Variants in PCDHA10 observed in about 807,000 individuals in gnomAD.
The protein encoded by PCDHA10 is protocadherin alpha 10.
In PCDHA10, 45 loss-of-function variants were observed where a neutral mutation model predicts 61.2. The ratio of observed to expected loss-of-function variants is 0.74; its 90% CI spans 0.58 to 0.94. The LOEUF (loss-of-function observed/expected upper bound fraction) is 0.94. Among genes scored for constraint, PCDHA10 ranks in the 40% least tolerant of loss-of-function variants. The pLI is 0.00. For synonymous variants in PCDHA10, 602 were observed against 548.8 expected (o/e 1.10, Z -1.35); for missense variants, 1,278 against 1,236.2 (o/e 1.03, Z -0.51).
chr5:140,876,567 G>T (rs782286416), intron 1 of PCDHA10: 90 of 1,614,068 alleles, frequency 5.6e-5, no homozygotes, highest in Non-Finnish European at 6.3e-5. Context: ...ATGCTCAGGT[G>T]GGTACCGTCA....
intron 1 of PCDHA10, among the ~76,000 whole-genome samples, chr5:140,925,964 C>CA (rs782520997): frequency 4.3e-4 from 65 of 150,204 alleles, no homozygotes; most frequent in Middle Eastern, 3.4e-3. Flanking sequence ...TGCTATCACG[C>CA]AAAAAAAAAG....
chr5:140,877,661 G>C, intron 1 of PCDHA10: 1 of 1,613,572 alleles, frequency 6.2e-7, no homozygotes. Flanking sequence ...CCCACCGTGA[G>C]CCGGTGCGCG....
At chr5:140,986,427 G>A (rs937088313) in intron 3 of PCDHA10, among the ~76,000 whole-genome samples, 19 of 152,186 alleles carry the variant, frequency 1.2e-4, no homozygotes, top group African/African-American at 4.6e-4. Context: ...TTAACTTCAT[G>A]AGTACTAATG....
intron 1 of PCDHA10, chr5:140,877,979 A>G (rs2057420487): frequency 4.9e-6 from 6 of 1,227,544 alleles, no homozygotes; most frequent in Non-Finnish European, 5.4e-6. Flanking sequence ...ATTCTTACTC[A>G]TTTTGAACTT....
At chr5:140,869,296 C>G (rs782726122) in intron 1 of PCDHA10, 2 of 1,613,602 alleles carry the variant, frequency 1.2e-6, no homozygotes, top group South Asian at 1.1e-5. Flanking sequence ...GCGCCTGTTC[C>G]GGGTGGCGTC....
At position 140,857,611 on chromosome 5, in the gene PCDHA10, G is replaced by C; in HGVS notation, c.1563G>C (p.Pro521=). Residue 521 remains proline, a synonymous_variant, in exon 1 of 4, where the codon CCG becomes CCC. Coordinates refer to ENST00000307360, the MANE Select transcript of PCDHA10 (RefSeq NM_018901.4). The stretch of plus-strand genomic sequence containing the variant: ...GCGGCAAGGTGTACGCGCTGCAGCC[G>C]CTGGACCACGAGGAGCTGGAGCTGC... The part of the protein sequence containing the change: ...AESGKVYALQ[P]LDHEELELLQ... 2 of 1,596,436 alleles carry C rather than the reference G, an allele frequency of 1.3e-6. No individual in the cohort carries two copies. Among genetic ancestry groups the C allele is most frequent in the Non-Finnish European group, 1.7e-6 (2 of 1,167,694 alleles).
At chr5:140,999,138 C>T (rs530740266) in intron 3 of PCDHA10, among the ~76,000 whole-genome samples, 1 of 152,140 alleles carries the variant, frequency 6.6e-6, no homozygotes, top group Non-Finnish European at 1.5e-5. Flanking sequence ...AATGTCACAG[C>T]CGGAAGTCTT....
intron 1 of PCDHA10, chr5:140,926,622 G>A: frequency 2.5e-6 from 1 of 396,424 alleles, no homozygotes. Context: ...CCCCTAGGCG[G>A]CGCTGCGCTC....
chr5:140,954,615 C>A (rs782262504), intron 1 of PCDHA10, among the ~76,000 whole-genome samples: 16 of 151,806 alleles, frequency 1.1e-4, no homozygotes, highest in Non-Finnish European at 1.6e-4. Context: ...TTTTAATGGG[C>A]TTGTTTGGGT....
At chr5:140,859,250 T>C (rs952505479) in intron 1 of PCDHA10, 7 of 133,126 alleles carry the variant, frequency 5.3e-5, no homozygotes, top group African/African-American at 1.9e-4. Flanking sequence ...TGTTTAATAA[T>C]GAAGAGAATT....
In PCDHA10 at chr5:140,979,019, C is replaced by T; in HGVS notation, c.2447+12C>T. On this transcript the variant is annotated intron_variant, in intron 2 of 3. Coordinates refer to ENST00000307360, the MANE Select transcript of PCDHA10 (RefSeq NM_018901.4). ...GCAGGCATGCACAGGTATGTATTTC[C>T]CTCCTCATTCACTCAGAAGTAACCT... 1 of 1,613,662 alleles carries T rather than the reference C, an allele frequency of 6.2e-7. No individual in the cohort carries two copies. Among genetic ancestry groups the T allele is most frequent in the South Asian group, 1.1e-5 (1 of 90,910 alleles).
intron 1 of PCDHA10, among the ~76,000 whole-genome samples, chr5:140,952,242 C>A (rs1469286013): frequency 6.6e-6 from 1 of 151,750 alleles, no homozygotes; most frequent in Admixed American, 6.6e-5. Flanking sequence ...CTGCTTAGAA[C>A]TGCTGGTGGA....
intron 1 of PCDHA10, among the ~76,000 whole-genome samples, chr5:140,948,446 G>A (rs1445406552): frequency 6.6e-6 from 1 of 151,446 alleles, no homozygotes; most frequent in Non-Finnish European, 1.5e-5. Flanking sequence ...CTGTGCCAGG[G>A]ATTTTCTTTT....
At chr5:140,859,436 A>C (rs868952272) in intron 1 of PCDHA10, 6 of 225,632 alleles carry the variant, frequency 2.7e-5, no homozygotes, top group African/African-American at 1.2e-4. Flanking sequence ...AATGAAAGCT[A>C]ACTTAGTTGC....
chr5:140,907,693 G>A (rs573463032), intron 1 of PCDHA10, among the ~76,000 whole-genome samples: 49 of 152,318 alleles, frequency 3.2e-4, no homozygotes, highest in Non-Finnish European at 6.5e-4. Flanking sequence ...GTGAGTGGAA[G>A]TCCCTGTTGC....
chr5:140,856,078 C>G lies in PCDHA10; in HGVS notation c.30C>G (p.Val10=). The G allele has an allele frequency of 1.1e-5, 18 of 1,594,016 alleles. No homozygotes were observed. The highest frequency in any genetic ancestry group is 1.5e-5 in the Non-Finnish European group (18 of 1,164,910). Residue 10 remains valine (V), a synonymous_variant, in exon 1 of 4, where the codon GTC becomes GTG. Transcript: ENST00000307360. MVSRCSCLG[V]QCLLLSLLLL... ...TTTCCAGATGTAGCTGCCTGGGGGT[C>G]CAGTGTCTGCTGCTCTCGCTTCTTC...
chr5:140,869,719 C>T, intron 1 of PCDHA10: 1 of 1,613,314 alleles, frequency 6.2e-7, no homozygotes, highest in Admixed American at 1.7e-5. Flanking sequence ...AGAGAAAACT[C>T]CGGAACTTAA....
intron 1 of PCDHA10, among the ~76,000 whole-genome samples, chr5:140,941,550 C>T (rs1489599221): frequency 6.6e-6 from 1 of 151,776 alleles, no homozygotes; most frequent in Non-Finnish European, 1.5e-5. Flanking sequence ...CTCCTGACCT[C>T]GTGATCCATT....
chr5:141,007,755 CTT>C (rs2098344346), intron 3 of PCDHA10, among the ~76,000 whole-genome samples: 1 of 152,170 alleles, frequency 6.6e-6, no homozygotes, highest in Non-Finnish European at 1.5e-5. Context: ...ACTTTGGACT[CTT>C]ATTGGCCTGG....
Sources: gnomAD v4.1 joint callset for allele counts (sites outside exome capture counted in the v4.1 genomes callset) on GRCh38, gnomAD v4.1.1 for gene constraint, MANE v1.5 for transcripts, NCBI Gene and HGNC (gene_info 2026-07-23, HGNC 2026-07-21) for gene names.